Variants in HBE1 observed in about 807,000 individuals in gnomAD.
HBE1 encodes hemoglobin subunit epsilon 1, also known as hemoglobin subunit epsilon.
In HBE1, 10 loss-of-function variants were observed where a neutral mutation model predicts 12.1. The ratio of observed to expected loss-of-function variants is 0.83; its 90% CI spans 0.51 to 1.40. The LOEUF is 1.40. Ranked by LOEUF, HBE1 falls within the 40% of genes most tolerant of loss-of-function variation. HBE1 has a pLI of 0.00. For synonymous variants in HBE1, 78 were observed against 70.4 expected (o/e 1.11, Z -0.54); for missense variants, 172 against 175.8 (o/e 0.98, Z 0.12).
At chr11:5,269,162 A>G (rs1356847017) in intron 2 of HBE1, among the ~76,000 whole-genome samples, 1 of 152,186 alleles carries the variant, frequency 6.6e-6, no homozygotes, top group Non-Finnish European at 1.5e-5. Context: ...GCCAAATTTC[A>G]TTCTTCTTTC....
chr11:5,269,792 T>A lies in HBE1; in HGVS notation c.92+7A>T. ...TTCATTCCCATGCATTGAGAACCAA[T>A]GCTTACCTGCCCAAGGCTTCACCTC... On this transcript the variant is annotated splice_region_variant and intron_variant, in intron 1 of 2. Coordinates refer to ENST00000396895, the MANE Select transcript of HBE1 (RefSeq NM_005330.4). 1 of 1,609,038 alleles carries A rather than the reference T, an allele frequency of 6.2e-7. No homozygotes were observed. The highest frequency in any genetic ancestry group is 1.1e-5 in the South Asian group (1 of 90,964).
In HBE1 at chr11:5,269,880, A is replaced by G. The variant is rs369718420; in HGVS notation, c.11T>C (p.Phe4Ser). 22 of 1,612,600 alleles carry G rather than the reference A, an allele frequency of 1.4e-5. No individual in the cohort carries two copies. The highest frequency in any genetic ancestry group is 1.8e-5 in the Non-Finnish European group (21 of 1,178,934). Residue 4 changes from phenylalanine (F) to serine (S), a missense_variant, in exon 1 of 3, where the codon TTT becomes TCT. Phe to Ser is a radical substitution (Grantham distance 155). Coordinates refer to ENST00000396895, the MANE Select transcript of HBE1 (RefSeq NM_005330.4). Reference sequence around the variant, plus strand: ...GACGGCAGCCTTCTCCTCAGCAGTAAAATGCACCATGATGCCAGGCCTGAG... The same window carrying G: ...GACGGCAGCCTTCTCCTCAGCAGTAGAATGCACCATGATGCCAGGCCTGAG... MVH[F>S]TAEEKAAVTS...
In HBE1 at chr11:5,268,595, G is replaced by C. The variant is rs1159145894; in HGVS notation, c.318C>G (p.Leu106=). The change falls in exon 3 of 3, where the codon CTC becomes CTG. Residue 106 remains leucine (L), a splice_region_variant and synonymous_variant. Transcript: ENST00000396895. ...KLHVDPENFK[L]LGNVMVIILA... Reference sequence around the variant, plus strand: ...GAATAATCACCATCACGTTACCCAGGAGCTGTTAGGCAAAAGACAAAATAA... The same window carrying C: ...GAATAATCACCATCACGTTACCCAGCAGCTGTTAGGCAAAAGACAAAATAA... 2 of 1,610,242 alleles carry C rather than the reference G, an allele frequency of 1.2e-6. No individual in the cohort carries two copies. The highest frequency in any genetic ancestry group is 2.2e-5 in the South Asian group (2 of 90,930).
In HBE1 at chr11:5,269,920, T is replaced by C; in HGVS notation, c.-30A>G. 1.3e-6 allele frequency: 2 copies of C among 1,513,906 alleles called. No individual in the cohort carries two copies. The highest frequency in any genetic ancestry group is 2.3e-5 in the East Asian group (1 of 44,392). The allele number at this position is 1,513,906 out of a possible 1,614,324, so 93.8% of individuals were successfully genotyped here. ...CCAGGCCTGAGAGCTTGCTAGTGAT[T>C]GCAGCTGTGTCGGAAGCAGATATGT... On this transcript the variant is annotated 5_prime_UTR_variant, in exon 1 of 3. Transcript: ENST00000396895.
rs199521324 is a variant in HBE1, at chr11:5,269,914, A to G, written c.-24T>C. 1.9e-6 allele frequency: 3 copies of G among 1,542,346 alleles called. No homozygotes were observed. The highest frequency in any genetic ancestry group is 1.4e-5 in the African/African-American group (1 of 73,690). The stretch of plus-strand genomic sequence containing the variant: ...ATGATGCCAGGCCTGAGAGCTTGCT[A>G]GTGATTGCAGCTGTGTCGGAAGCAG... On this transcript the variant is annotated 5_prime_UTR_variant, in exon 1 of 3. Transcript: ENST00000396895.
At position 5,269,860 on chromosome 11, in the gene HBE1, C is replaced by T. The variant is rs998051926; in HGVS notation, c.31G>A (p.Ala11Thr). The T allele has an allele frequency of 6.2e-7, 1 of 1,613,804 alleles. No homozygotes were observed. Among genetic ancestry groups the T allele is most frequent in the Non-Finnish European group, 8.5e-7 (1 of 1,179,796 alleles). The change falls in exon 1 of 3, where the codon GCC becomes ACC. Residue 11 changes from alanine (A) to threonine (T), a missense_variant. By Grantham distance (58) the Ala-to-Thr change is moderately conservative (BLOSUM62 0). Coordinates refer to ENST00000396895, the MANE Select transcript of HBE1 (RefSeq NM_005330.4). MVHFTAEEKA[A>T]VTSLWSKMNV... Reference sequence around the variant, plus strand: ...ATCTTGCTCCACAGGCTAGTGACGGCAGCCTTCTCCTCAGCAGTAAAATGC... The same window carrying T: ...ATCTTGCTCCACAGGCTAGTGACGGTAGCCTTCTCCTCAGCAGTAAAATGC...
rs1848172249 is a variant in HBE1, at chr11:5,269,828, C to T, written c.63G>A (p.Val21=). 4 of 1,613,676 alleles carry T rather than the reference C, an allele frequency of 2.5e-6. No homozygotes were observed. The East Asian group carries it at 8.9e-5, about 36-fold the overall frequency. The change falls in exon 1 of 3, where the codon GTG becomes GTA. Residue 21 remains valine, a synonymous_variant. Coordinates refer to ENST00000396895, the MANE Select transcript of HBE1 (RefSeq NM_005330.4). ...CCAAGGCTTCACCTCCAGCCTCTTC[C>T]ACATTCATCTTGCTCCACAGGCTAG... ...AVTSLWSKMN[V]EEAGGEALGR...
rs1285187280 is a variant in HBE1 at position 5,269,846 on chromosome 11, C to G, written c.45G>C (p.Leu15=). ...CCTCTTCCACATTCATCTTGCTCCA[C>G]AGGCTAGTGACGGCAGCCTTCTCCT... The part of the protein sequence containing the change: ...TAEEKAAVTS[L]WSKMNVEEAG... Residue 15 remains leucine, a synonymous_variant, in exon 1 of 3, where the codon CTG becomes CTC. Coordinates refer to ENST00000396895, the MANE Select transcript of HBE1 (RefSeq NM_005330.4). The G allele has an allele frequency of 3.1e-6, 5 of 1,613,884 alleles. No individual in the cohort carries two copies. Among genetic ancestry groups the G allele is most frequent in the African/African-American group, 2.7e-5 (2 of 74,934 alleles).
In HBE1 at chr11:5,269,795, T is replaced by A; in HGVS notation, c.92+4A>T. ...ATTCCCATGCATTGAGAACCAATGC[T>A]TACCTGCCCAAGGCTTCACCTCCAG... is the stretch of plus-strand genomic sequence containing the variant. On this transcript the variant is annotated splice_donor_region_variant and intron_variant, in intron 1 of 2. Coordinates refer to ENST00000396895, the MANE Select transcript of HBE1 (RefSeq NM_005330.4). The A allele has an allele frequency of 1.2e-6, 2 of 1,604,512 alleles. No homozygotes were observed. Among genetic ancestry groups the A allele is most frequent in the Non-Finnish European group, 1.7e-6 (2 of 1,171,242 alleles).
chr11:5,269,324 TCTGC>T, intron 2 of HBE1, 126 bp downstream of exon 2: 1 of 750,834 alleles, frequency 1.3e-6, no homozygotes. Flanking sequence ...TCACTAGAAG[TCTGC>T]TGTTCTAACA....
chr11:5,269,625 G>A lies in HBE1; in HGVS notation c.144C>T (p.Asn48=), dbSNP rs1422120890. The A allele has an allele frequency of 6.2e-7, 1 of 1,613,532 alleles. No individual in the cohort carries two copies. The highest frequency in any genetic ancestry group is 8.5e-7 in the Non-Finnish European group (1 of 1,179,488). The change falls in exon 2 of 3, where the codon AAC becomes AAT. Residue 48 remains asparagine, a synonymous_variant. Coordinates refer to ENST00000396895, the MANE Select transcript of HBE1 (RefSeq NM_005330.4). The part of the protein sequence containing the change: ...WTQRFFDSFG[N]LSSPSAILGN... ...CCAGGATGGCAGAGGGAGACGACAG[G>A]TTTCCAAAGCTGTCAAAAAATCTCT...
intron 1 of HBE1, 36 bp downstream of exon 1, chr11:5,269,763 A>G: frequency 6.3e-7 from 1 of 1,574,970 alleles, no homozygotes; most frequent in Non-Finnish European, 8.7e-7. Flanking sequence ...GGTAATATTC[A>G]CCCTTCATTC....
In HBE1 at chr11:5,269,900, C is replaced by T. The variant is rs1334941377; in HGVS notation, c.-10G>A. On this transcript the variant is annotated 5_prime_UTR_variant, in exon 1 of 3. Coordinates refer to ENST00000396895, the MANE Select transcript of HBE1 (RefSeq NM_005330.4). Reference sequence around the variant, plus strand: ...CAGTAAAATGCACCATGATGCCAGGCCTGAGAGCTTGCTAGTGATTGCAGC... The same window carrying T: ...CAGTAAAATGCACCATGATGCCAGGTCTGAGAGCTTGCTAGTGATTGCAGC... 5.0e-6 allele frequency: 8 copies of T among 1,599,732 alleles called. No homozygotes were observed. The highest frequency in any genetic ancestry group is 6.9e-6 in the Non-Finnish European group (8 of 1,167,482).
Position 5,269,817 on chromosome 11 carries a change from C to G in HBE1, c.74G>C (p.Gly25Ala), listed in dbSNP as rs1162100767. 17 of 1,612,914 alleles carry G rather than the reference C, an allele frequency of 1.1e-5. No homozygotes were observed. The highest frequency in any genetic ancestry group is 1.4e-5 in the Non-Finnish European group (17 of 1,178,998). The change falls in exon 1 of 3, where the codon GGA (glycine) becomes GCA (alanine). Residue 25 changes from glycine to alanine, a missense_variant. Gly to Ala is a moderately conservative substitution (Grantham distance 60, BLOSUM62 0). Transcript: ENST00000396895. ...LWSKMNVEEAGGEALGRLLVV... is the reference protein window; with the variant it reads ...LWSKMNVEEAAGEALGRLLVV... ...TGCTTACCTGCCCAAGGCTTCACCT[C>G]CAGCCTCTTCCACATTCATCTTGCT...
chr11:5,268,811 A>T (rs1428561424), intron 2 of HBE1, among the ~76,000 whole-genome samples: 2 of 152,178 alleles, frequency 1.3e-5, no homozygotes, highest in South Asian at 4.2e-4. Context: ...TCAACATTCT[A>T]CCTACCTACA....
At position 5,269,655 on chromosome 11, in the gene HBE1, C is replaced by G. The variant is rs765841913; in HGVS notation, c.114G>C (p.Trp38Cys). ...CAAAGCTGTCAAAAAATCTCTGGGT[C>G]CAGGGGTAAACAACGAGGAGTCTAT... ...ALGRLLVVYPWTQRFFDSFGN... is the reference protein window; with the variant it reads ...ALGRLLVVYPCTQRFFDSFGN... Residue 38 changes from tryptophan (W) to cysteine (C), a missense_variant, in exon 2 of 3, where the codon TGG (tryptophan) becomes TGC (cysteine). Trp to Cys is a radical substitution (Grantham distance 215, BLOSUM62 -2). Transcript: ENST00000396895. 1 of 1,613,200 alleles carries G rather than the reference C, an allele frequency of 6.2e-7. No individual in the cohort carries two copies.
chr11:5,269,940 A>G lies in HBE1; in HGVS notation c.-50T>C, dbSNP rs200508471. The G allele has an allele frequency of 1.4e-4, 184 of 1,306,910 alleles. No homozygotes were observed. In the African/African-American group the frequency reaches 2.4e-3, roughly 17 times the overall value. 81.0% of individuals were successfully genotyped at this position (1,306,910 alleles called of 1,614,324 possible). On this transcript the variant is annotated 5_prime_UTR_variant, in exon 1 of 3. Transcript: ENST00000396895. ...GTGATTGCAGCTGTGTCGGAAGCAG[A>G]TATGTGCTGCTGCCTCTCTGTCTGG...
intron 2 of HBE1, among the ~76,000 whole-genome samples, chr11:5,269,151 AG>A (rs1268533343): frequency 6.6e-6 from 1 of 152,176 alleles, no homozygotes; most frequent in East Asian, 1.9e-4. Flanking sequence ...ATCTACCAAA[AG>A]CCAAATTTCA....
rs368042886 is a variant in HBE1 at position 5,269,635 on chromosome 11, C to A, written c.134G>T (p.Ser45Ile). 1.9e-6 allele frequency: 3 copies of A among 1,613,618 alleles called. No homozygotes were observed. The highest frequency in any genetic ancestry group is 1.3e-5 in the African/African-American group (1 of 75,034). The change falls in exon 2 of 3, where the codon AGC (serine) becomes ATC (isoleucine). Residue 45 changes from serine (S) to isoleucine (I), a missense_variant. Transcript: ENST00000396895. ...VYPWTQRFFD[S>I]FGNLSSPSAI... ...AGAGGGAGACGACAGGTTTCCAAAG[C>A]TGTCAAAAAATCTCTGGGTCCAGGG...
Sources: allele counts gnomAD v4.1 joint callset (sites outside exome capture counted in the v4.1 genomes callset), GRCh38; gene constraint gnomAD v4.1.1; transcripts MANE v1.5; gene names NCBI Gene and HGNC (gene_info 2026-07-23, HGNC 2026-07-21).